ANO4: variants seen among roughly 807,000 people sequenced by gnomAD.
ANO4 encodes anoctamin 4.
ANO4 carries 69 observed loss-of-function variants against 141.9 expected under a neutral mutation model. The ratio of observed to expected loss-of-function variants is 0.49; its 90% confidence interval spans 0.40 to 0.59. ANO4 has a LOEUF of 0.59. ANO4 is among the 20% of genes least tolerant of loss of function. The probability of loss-of-function intolerance (pLI) is 0.00; values close to 1 mark genes in which losing one functional copy is unlikely to be tolerated. For synonymous variants in ANO4, 350 were observed against 394.3 expected (o/e 0.89, Z 1.33); for missense variants, 894 against 1,162.2 (o/e 0.77, Z 3.36).
intron 10 of ANO4, chr12:101,038,276 T>G (rs1051951069): frequency 2.6e-5 from 4 of 152,194 alleles, no homozygotes; most frequent in African/African-American, 9.7e-5. Flanking sequence ...TCATGTGGCT[T>G]CATCATGTCA....
intron 1 of ANO4, among the ~76,000 whole-genome samples, chr12:100,897,106 C>G (rs2040386533): frequency 6.6e-6 from 1 of 152,214 alleles, no homozygotes; most frequent in Non-Finnish European, 1.5e-5. Flanking sequence ...CTAACCTCAC[C>G]TTATCCCCCA....
chr12:101,107,655 T>G (rs2050502094), intron 22 of ANO4, among the ~76,000 whole-genome samples: 1 of 152,136 alleles, frequency 6.6e-6, no homozygotes, highest in Admixed American at 6.6e-5. Flanking sequence ...GACATGAGGC[T>G]TGGAAGTTTG....
At chr12:101,115,426 A>C (rs2050815111) in intron 24 of ANO4, among the ~76,000 whole-genome samples, 1 of 152,090 alleles carries the variant, frequency 6.6e-6, no homozygotes, top group African/African-American at 2.4e-5. Flanking sequence ...GCACTCCAGC[A>C]ATGAGCAACA....
Position 100,742,895 on chromosome 12 carries a change from T to A in ANO4, c.358+2790T>A, listed in dbSNP as rs1384414602. Among the ~76,000 whole-genome samples the A allele has an allele frequency of 4.6e-5, 7 of 152,304 alleles. No homozygotes were observed. The East Asian group carries it at 1.4e-3, about 29-fold the overall frequency. On this transcript the variant is annotated intron_variant, in intron 3 of 29. Coordinates refer to the ANO4 transcript ENST00000644049. Reference sequence around the variant, plus strand: ...CTTTACTTAACCCTGCTTGTCACCTTGTGCAGTGAACAACTTGTGAAACTG... The same window carrying A: ...CTTTACTTAACCCTGCTTGTCACCTAGTGCAGTGAACAACTTGTGAAACTG...
intron 26 of ANO4, among the ~76,000 whole-genome samples, chr12:101,125,286 G>A (rs980497848): frequency 2.6e-5 from 4 of 152,050 alleles, no homozygotes; most frequent in African/African-American, 9.7e-5. Flanking sequence ...TTAGTGGTTA[G>A]GAATACTAAT....
At chr12:100,959,246 C>T (rs537240604) in intron 5 of ANO4, among the ~76,000 whole-genome samples, 9 of 152,264 alleles carry the variant, frequency 5.9e-5, no homozygotes, top group African/African-American at 1.4e-4. Flanking sequence ...TGTGCTGTCG[C>T]GGGAGCTCTC....
At position 101,047,851 on chromosome 12, in the gene ANO4, T is replaced by A. The variant is rs1005943533; in HGVS notation, c.1252-490T>A. 1.0e-4 allele frequency: 22 copies of A among 219,306 alleles called. 1 individual carries two copies. In the East Asian group the frequency reaches 2.2e-3, roughly 22 times the overall value. The allele number at this position is 219,306 out of a possible 1,614,324, so 13.6% of individuals were successfully genotyped here. A position where few individuals can be genotyped will look rare whatever the true frequency, so the allele number is the denominator to read the frequency against. On this transcript the variant is annotated intron_variant, in intron 13 of 27. Coordinates refer to ENST00000392977, the MANE Select transcript of ANO4 (RefSeq NM_001286615.2). ...TTTAGTTAATGGTTCTGCTCTTTTT[T>A]ATAAGGCTGAAATCCAGAGGGCAGC...
chr12:100,876,222 G>A (rs1170050853), intron 1 of ANO4, among the ~76,000 whole-genome samples: 2 of 125,404 alleles, frequency 1.6e-5, no homozygotes, highest in Non-Finnish European at 3.2e-5. Context: ...TGAAGGCAAG[G>A]AAAAGAAAAC....
chr12:101,037,857 A>G (rs781569389), intron 10 of ANO4, among the ~76,000 whole-genome samples: 34 of 152,238 alleles, frequency 2.2e-4, no homozygotes, highest in Non-Finnish European at 4.7e-4. Context: ...GATAAATGTC[A>G]TAGCCTCTGT....
intron 1 of ANO4, among the ~76,000 whole-genome samples, chr12:100,862,637 A>G (rs1414954748): frequency 6.6e-6 from 1 of 152,124 alleles, no homozygotes; most frequent in Non-Finnish European, 1.5e-5. Flanking sequence ...TATCATTATT[A>G]AGTATTATAT....
chr12:100,875,547 C>T (rs191259697), intron 1 of ANO4, among the ~76,000 whole-genome samples: 1 of 152,302 alleles, frequency 6.6e-6, no homozygotes, highest in East Asian at 1.9e-4. Context: ...ATAACTGCCC[C>T]TAAACTGCTT....
At chr12:101,008,538 T>G (rs1217969901) in intron 8 of ANO4, among the ~76,000 whole-genome samples, 1 of 152,190 alleles carries the variant, frequency 6.6e-6, no homozygotes, top group African/African-American at 2.4e-5. Flanking sequence ...ATTATCATAA[T>G]GTAGATCACT....
Position 100,764,790 on chromosome 12 carries a change from A to C in ANO4, c.358+24685A>C, listed in dbSNP as rs145870675. ...ACAGTTTAAATGCAGCCTGCAGTTA[A>C]GTATATTAGGTCTCCTTAGAGGCTG... On this transcript the variant is annotated intron_variant, in intron 3 of 29. Coordinates refer to the ANO4 transcript ENST00000644049. Among the ~76,000 whole-genome samples the C allele has an allele frequency of 2.0e-3, 300 of 152,330 alleles. 1 individual carries two copies. Among genetic ancestry groups the C allele is most frequent in the African/African-American group, 6.6e-3 (274 of 41,580 alleles).
intron 2 of ANO4, among the ~76,000 whole-genome samples, chr12:100,914,030 C>G (rs1039465813): frequency 1.3e-5 from 2 of 152,198 alleles, no homozygotes; most frequent in Non-Finnish European, 2.9e-5. Flanking sequence ...TGCAAGAGCC[C>G]TCGTCATCAC....
chr12:100,812,660 C>T (rs938083271), intron 1 of ANO4, among the ~76,000 whole-genome samples: 14 of 152,074 alleles, frequency 9.2e-5, no homozygotes, highest in African/African-American at 3.1e-4. Context: ...TTCAATCAGC[C>T]AGAGGGAAAA....
At chr12:101,006,766 A>C (rs2045889454) in intron 8 of ANO4, among the ~76,000 whole-genome samples, 1 of 152,218 alleles carries the variant, frequency 6.6e-6, no homozygotes, top group Non-Finnish European at 1.5e-5. Context: ...TATTTTTAGG[A>C]ATACCTGCAT....
intron 3 of ANO4, among the ~76,000 whole-genome samples, chr12:100,746,967 A>G (rs530478030): frequency 1.3e-5 from 2 of 152,156 alleles, no homozygotes; most frequent in East Asian, 3.9e-4. Flanking sequence ...CCAGTTTCTC[A>G]ACCTTGGTGC....
chr12:101,058,805 CA>C lies in ANO4; in HGVS notation c.1312+10407del, dbSNP rs200945678. ...TATAAATATACAGTCATGTCATCTG[CA>C]AATAGAGACAATTCGACTTCCTCTT... is the stretch of plus-strand genomic sequence containing the variant. On this transcript the variant is annotated intron_variant, in intron 14 of 27. Transcript: ENST00000392977. Among the ~76,000 whole-genome samples, 980 of 152,246 alleles carry C rather than the reference CA, an allele frequency of 6.4e-3. 11 individuals carry two copies. The highest frequency in any genetic ancestry group is 0.022 in the African/African-American group (932 of 41,530).
At chr12:100,925,881 A>C (rs2041852387) in intron 3 of ANO4, among the ~76,000 whole-genome samples, 1 of 151,388 alleles carries the variant, frequency 6.6e-6, no homozygotes. Flanking sequence ...GAGACCTTCA[A>C]GATCAAGCTA....
Sources: gnomAD v4.1 joint callset for allele counts (sites outside exome capture counted in the v4.1 genomes callset) on GRCh38, gnomAD v4.1.1 for gene constraint, MANE v1.5 for transcripts, NCBI Gene and HGNC (gene_info 2026-07-23, HGNC 2026-07-21) for gene names.